The following ARMH1 variants were observed in gnomAD, a reference collection of about 807,000 sequenced individuals.
The protein encoded by ARMH1 is armadillo like helical domain containing 1.
A neutral mutation model predicts 50.2 loss-of-function variants in ARMH1; 34 were observed. The ratio of observed to expected loss-of-function variants is 0.68; its 90% CI spans 0.51 to 0.90. The LOEUF (loss-of-function observed/expected upper bound fraction) is 0.90, where lower values mean the gene tolerates loss of function less well. Among genes scored for constraint, ARMH1 ranks in the 40% least tolerant of loss-of-function variants. ARMH1 has a pLI of 0.00. For synonymous variants in ARMH1, 221 were observed against 224.2 expected, an observed-to-expected ratio of 0.99 and a Z score of 0.13; for missense variants, 538 against 553.9, an observed-to-expected ratio of 0.97 and a Z score of 0.29.
At position 44,725,191 on chromosome 1, in the gene ARMH1, C is replaced by T; in HGVS notation, c.1184C>T (p.Ala395Val). 1 of 1,552,010 alleles carries T rather than the reference C, an allele frequency of 6.4e-7. No homozygotes were observed. Among genetic ancestry groups the T allele is most frequent in the South Asian group, 1.2e-5 (1 of 84,066 alleles). Residue 395 changes from alanine (A) to valine (V), a missense_variant, in exon 11 of 12, where the codon GCG becomes GTG. Ala to Val is a moderately conservative substitution (Grantham distance 64, BLOSUM62 0). Transcript: ENST00000535358. ...GACAGCATTCAGGCGGACATCTTGG[C>T]GGCCAACACAGTCAATGTTACCAAA... ...KIDSIQADIL[A>V]ANTVNVTKAL...
chr1:44,713,743 A>G (rs892076507), intron 6 of ARMH1, among the ~76,000 whole-genome samples: 3 of 152,074 alleles, frequency 2.0e-5, no homozygotes, highest in Non-Finnish European at 2.9e-5. Flanking sequence ...GTCCTTTTTG[A>G]GGACACTGGT....
chr1:44,687,035 C>T (rs1472704298), intron 1 of ARMH1, among the ~76,000 whole-genome samples: 2 of 151,806 alleles, frequency 1.3e-5, no homozygotes, highest in East Asian at 1.9e-4. Flanking sequence ...GTTGATACAT[C>T]GAATGATAGC....
At chr1:44,695,303 A>T (rs538784134) in intron 2 of ARMH1, among the ~76,000 whole-genome samples, 7 of 152,216 alleles carry the variant, frequency 4.6e-5, no homozygotes, top group Non-Finnish European at 8.8e-5. Context: ...GGATTATTTG[A>T]GACAATGCAA....
At chr1:44,716,696 C>A (rs1646864533) in intron 6 of ARMH1, among the ~76,000 whole-genome samples, 1 of 152,186 alleles carries the variant, frequency 6.6e-6, no homozygotes, top group Non-Finnish European at 1.5e-5. Context: ...TAATTCAGGT[C>A]TTCATACTGC....
chr1:44,699,430 G>C (rs1172737300), intron 4 of ARMH1, among the ~76,000 whole-genome samples: 1 of 152,052 alleles, frequency 6.6e-6, no homozygotes, highest in Non-Finnish European at 1.5e-5. Flanking sequence ...AGTCTGGTGA[G>C]AAAAGTAAAT....
intron 6 of ARMH1, among the ~76,000 whole-genome samples, chr1:44,712,264 GC>G (rs1475643912): frequency 6.6e-6 from 1 of 152,166 alleles, no homozygotes; most frequent in African/African-American, 2.4e-5. Context: ...TTCGAGACCA[GC>G]CTGGGCAACA....
intron 4 of ARMH1, among the ~76,000 whole-genome samples, chr1:44,698,653 A>G (rs1380377106): frequency 2.6e-5 from 4 of 151,578 alleles, no homozygotes; most frequent in Non-Finnish European, 5.9e-5. Context: ...TCTACTAAAA[A>G]TACAAAAAAA....
chr1:44,691,688 C>T (rs1645663893), intron 2 of ARMH1, among the ~76,000 whole-genome samples: 1 of 152,150 alleles, frequency 6.6e-6, no homozygotes, highest in Non-Finnish European at 1.5e-5. Flanking sequence ...AAATAAGTAT[C>T]CCTGCCCAAA....
intron 5 of ARMH1, 53 bp downstream of exon 5, chr1:44,701,172 C>T: frequency 2.1e-6 from 3 of 1,460,614 alleles, no homozygotes; most frequent in Non-Finnish European, 2.7e-6. Flanking sequence ...AATAATCTTA[C>T]AATTACCTTC....
At chr1:44,690,712 T>C (rs1645632114) in intron 2 of ARMH1, among the ~76,000 whole-genome samples, 1 of 152,178 alleles carries the variant, frequency 6.6e-6, no homozygotes, top group Admixed American at 6.5e-5. Flanking sequence ...AGAGTCTCTC[T>C]CTGTGGCCCA....
In ARMH1 at chr1:44,704,167, T is replaced by A. The variant is rs947814485; in HGVS notation, c.718T>A (p.Tyr240Asn). The change falls in exon 6 of 12, where the codon TAT becomes AAT. Residue 240 changes from tyrosine to asparagine, a missense_variant. Tyr to Asn is a moderately radical substitution (Grantham distance 143). Coordinates refer to ENST00000535358, the MANE Select transcript of ARMH1 (RefSeq NM_001145636.2). ...GGGCACGATGCACCTGGAAGTCCAGTATGAAGGTAGGGAGCCTCCAGATTG... is the reference window on the plus strand; with the variant it reads ...GGGCACGATGCACCTGGAAGTCCAGAATGAAGGTAGGGAGCCTCCAGATTG... ...VLGTMHLEVQ[Y>N]EAIELIKDLV... 9.0e-6 allele frequency: 14 copies of A among 1,550,846 alleles called. No individual in the cohort carries two copies. The highest frequency in any genetic ancestry group is 1.2e-5 in the Non-Finnish European group (14 of 1,146,598).
At chr1:44,710,985 A>T (rs1646589961) in intron 6 of ARMH1, among the ~76,000 whole-genome samples, 1 of 152,022 alleles carries the variant, frequency 6.6e-6, no homozygotes, top group African/African-American at 2.4e-5. Flanking sequence ...ACTTAGCATA[A>T]TATTTTCAAG....
chr1:44,709,523 T>C (rs1385530102), intron 6 of ARMH1, among the ~76,000 whole-genome samples: 1 of 151,696 alleles, frequency 6.6e-6, no homozygotes, highest in Non-Finnish European at 1.5e-5. Flanking sequence ...ATACAAAAAA[T>C]TAGCCGGGCG....
In ARMH1 at chr1:44,724,302, C is replaced by G. The variant is rs1016518811; in HGVS notation, c.848-18C>G. The G allele has an allele frequency of 3.9e-6, 6 of 1,551,010 alleles. No homozygotes were observed. The highest frequency in any genetic ancestry group is 5.2e-6 in the Non-Finnish European group (6 of 1,146,512). On this transcript the variant is annotated intron_variant, in intron 7 of 11. Transcript: ENST00000535358. The surrounding 1 kb of genome is among the most constrained non-coding windows in gnomAD (Gnocchi z 6.4). ...CACGGGAGGGCGGTCTCTTGCCTCA[C>G]GGCTGCCCCCTCCTCAGACCCCTCG... is the stretch of plus-strand genomic sequence containing the variant.
rs941145254 is a variant in ARMH1, at chr1:44,704,101, A to G, written c.652A>G (p.Thr218Ala). 1.3e-6 allele frequency: 2 copies of G among 1,550,166 alleles called. No homozygotes were observed. The highest frequency in any genetic ancestry group is 3.9e-5 in the Admixed American group (2 of 50,902). ...TLRTAQPIIG[T>A]THPSIVDCVL... ...TCTGTCTGGTCAGCCAATCATTGGG[A>G]CCACACACCCCAGCATCGTGGACTG... Residue 218 changes from threonine (T) to alanine (A), a missense_variant, in exon 6 of 12, where the codon ACC (threonine) becomes GCC (alanine). By Grantham distance (58) the Thr-to-Ala change is moderately conservative. Transcript: ENST00000535358.
At position 44,680,737 on chromosome 1, in the gene ARMH1, G is replaced by A. The variant is rs904027049; in HGVS notation, c.-23+5864G>A. Among the ~76,000 whole-genome samples the A allele has an allele frequency of 2.0e-5, 3 of 152,116 alleles. No individual in the cohort carries two copies. The East Asian group carries it at 5.8e-4, about 29-fold the overall frequency. ...CCACGGAGAGGGTGGGTGCTGATAC[G>A]ATGATCGTAAGAGGAGAGGGTTGCG... On this transcript the variant is annotated intron_variant, in intron 1 of 11. Coordinates refer to ENST00000535358, the MANE Select transcript of ARMH1 (RefSeq NM_001145636.2).
chr1:44,721,850 A>C (rs1005323105), intron 6 of ARMH1: 1 of 152,304 alleles, frequency 6.6e-6, no homozygotes, highest in Non-Finnish European at 1.5e-5. Context: ...TCTCCACGGA[A>C]ATCTTTAGTA....
chr1:44,721,621 T>G (rs139281221), intron 6 of ARMH1, among the ~76,000 whole-genome samples: 1 of 152,040 alleles, frequency 6.6e-6, no homozygotes, highest in African/African-American at 2.4e-5. Flanking sequence ...TAGACAGGCT[T>G]ATGAGGCTGA....
At chr1:44,677,217 C>T (rs1343951681) in intron 1 of ARMH1, among the ~76,000 whole-genome samples, 1 of 152,182 alleles carries the variant, frequency 6.6e-6, no homozygotes, top group Non-Finnish European at 1.5e-5. Context: ...AGGTAGCAAA[C>T]AGATTTCTGG....
Sources: allele counts gnomAD v4.1 joint callset (sites outside exome capture counted in the v4.1 genomes callset), GRCh38; gene constraint gnomAD v4.1.1; non-coding constraint Gnocchi (gnomAD v3.1); transcripts MANE v1.5; gene names NCBI Gene and HGNC (gene_info 2026-07-23, HGNC 2026-07-21).